The following TK2 variants were observed in gnomAD, a reference collection of about 807,000 sequenced individuals.
TK2 encodes the protein thymidine kinase 2, mitochondrial.
A neutral mutation model predicts 41.9 loss-of-function variants in TK2; 35 were observed. That is an observed-to-expected ratio of 0.84 (90% CI 0.64 to 1.11). TK2 has a LOEUF of 1.11. Among genes scored for constraint, TK2 ranks in the 50% least tolerant of loss-of-function variants. The probability of loss-of-function intolerance (pLI) is 0.00; values close to 1 mark genes in which losing one functional copy is unlikely to be tolerated. For synonymous variants in TK2, 128 were observed against 129.1 expected, an observed-to-expected ratio of 0.99 and a Z score of 0.06; for missense variants, 320 against 351.1, an observed-to-expected ratio of 0.91 and a Z score of 0.71.
At chr16:66,548,600 G>A (rs7191325) in intron 2 of TK2, 9,784 of 259,718 alleles carry the variant, frequency 0.038, 972 homozygotes, top group African/African-American at 0.21. Context: ...TCTCAACACT[G>A]GGGGGAGAGG....
At chr16:66,527,065 G>C (rs1175935474) in intron 6 of TK2, among the ~76,000 whole-genome samples, 9 of 152,186 alleles carry the variant, frequency 5.9e-5, no homozygotes, top group Non-Finnish European at 1.3e-4. Flanking sequence ...TCCTCCCTCT[G>C]GCTGAGGTGC....
intron 1 of TK2, chr16:66,549,393 C>T (rs1744105463): frequency 2.7e-6 from 3 of 1,109,474 alleles, no homozygotes; most frequent in Non-Finnish European, 3.3e-6. Flanking sequence ...CCCAGGTGTT[C>T]CTCTAGGCCC....
intron 5 of TK2, 55 bp downstream of exon 5, chr16:66,531,325 C>T: frequency 1.3e-6 from 2 of 1,565,444 alleles, no homozygotes; most frequent in Non-Finnish European, 1.8e-6. Flanking sequence ...CAATCACATA[C>T]CCCAAGTCTG....
At chr16:66,535,470 T>C (rs748477389) in intron 4 of TK2, among the ~76,000 whole-genome samples, 1 of 152,242 alleles carries the variant, frequency 6.6e-6, no homozygotes, top group East Asian at 1.9e-4. Context: ...CCAAAGAAGA[T>C]GACTGGTATT....
chr16:66,513,400 G>A (rs1964508792), intron 9 of TK2, among the ~76,000 whole-genome samples: 1 of 152,210 alleles, frequency 6.6e-6, no homozygotes, highest in Non-Finnish European at 1.5e-5. Flanking sequence ...ATCCACGGAA[G>A]GAGGAAGGTC....
At chr16:66,550,197 G>C, upstream of TK2, 1 of 1,612,010 alleles carries the variant, frequency 6.2e-7, no homozygotes, top group Non-Finnish European at 8.5e-7. Context: ...TTTCATCTCA[G>C]CAAGAGGAGA....
At chr16:66,548,587 C>T in intron 2 of TK2, 1 of 249,908 alleles carries the variant, frequency 4.0e-6, no homozygotes, top group Admixed American at 5.1e-5. Context: ...GCCCACCCAC[C>T]AGTCTCAACA....
At chr16:66,548,922 TCTC>T in intron 2 of TK2, 53 bp downstream of exon 2, 1 of 1,532,128 alleles carries the variant, frequency 6.5e-7, no homozygotes, top group Non-Finnish European at 9.0e-7. Flanking sequence ...CTTTTTTCTC[TCTC>T]CTCTTCAAAA....
chr16:66,526,469 G>C (rs28454745), intron 6 of TK2, among the ~76,000 whole-genome samples: 19,738 of 152,246 alleles, frequency 0.13, 2,395 homozygotes, highest in African/African-American at 0.32. Flanking sequence ...AGGCCGAGCA[G>C]AGCTGTAATC....
chr16:66,528,104 G>A (rs1198365433), intron 6 of TK2, among the ~76,000 whole-genome samples: 3 of 152,118 alleles, frequency 2.0e-5, no homozygotes, highest in East Asian at 1.9e-4. Context: ...CAGCGTGGTC[G>A]GGGAGGGCTG....
chr16:66,524,840 T>TC (rs1964884481), intron 6 of TK2: 1 of 152,170 alleles, frequency 6.6e-6, no homozygotes, highest in African/African-American at 2.4e-5. Context: ...AGGCAGAGTC[T>TC]CCCCCTTGGG....
rs531027975 is a variant in TK2, at chr16:66,531,643, A to C, written c.286-174T>G. ...GCAGGGTGGACAAAGGCAGACACTG[A>C]AACAATTATAGGACAGTATGGTAAC... On this transcript the variant is annotated intron_variant, in intron 4 of 9. Transcript: ENST00000544898. Among the ~76,000 whole-genome samples, 9 of 152,324 alleles carry C rather than the reference A, an allele frequency of 5.9e-5. No individual in the cohort carries two copies. In the East Asian group the frequency reaches 1.5e-3, roughly 26 times the overall value.
Position 66,511,352 on chromosome 16 carries a change from T to C in TK2, c.*616A>G, listed in dbSNP as rs900156415. ...GACTGTCCTTGGGAACTGCTCAATA[T>C]TGGGAAAATGTTATCAGCTCCGCAC... On this transcript the variant is annotated 3_prime_UTR_variant, in exon 10 of 10. Transcript: ENST00000544898. 6.1e-6 allele frequency: 1 copy of C among 163,520 alleles called. No individual in the cohort carries two copies. Among genetic ancestry groups the C allele is most frequent in the African/African-American group, 2.4e-5 (1 of 41,566 alleles). The allele number at this position is 163,520 out of a possible 1,614,324, so 10.1% of individuals were successfully genotyped here.
chr16:66,537,718 T>C (rs934267457), intron 3 of TK2, among the ~76,000 whole-genome samples: 1 of 152,232 alleles, frequency 6.6e-6, no homozygotes, highest in Non-Finnish European at 1.5e-5. Flanking sequence ...TTTCTGGGTA[T>C]GCAGGTGTGT....
At chr16:66,520,783 T>C (rs1373559387) in intron 6 of TK2, among the ~76,000 whole-genome samples, 1 of 152,146 alleles carries the variant, frequency 6.6e-6, no homozygotes, top group African/African-American at 2.4e-5. Flanking sequence ...CTGAGTTGGG[T>C]TTCAGTTAGT....
At chr16:66,516,987 A>G in intron 8 of TK2, 149 bp downstream of exon 8, 1 of 794,594 alleles carries the variant, frequency 1.3e-6, no homozygotes. Flanking sequence ...ACAGGAAGTC[A>G]GAGTTCACCC....
At chr16:66,516,223 G>A (rs1315289610) in intron 8 of TK2, among the ~76,000 whole-genome samples, 1 of 152,204 alleles carries the variant, frequency 6.6e-6, no homozygotes, top group Non-Finnish European at 1.5e-5. Context: ...AAGGTCAGGG[G>A]TGGCTTCCTG....
At chr16:66,533,873 TGGTG>T (rs1965195360) in intron 4 of TK2, among the ~76,000 whole-genome samples, 1 of 151,438 alleles carries the variant, frequency 6.6e-6, no homozygotes. Context: ...CCAGGTGTGG[TGGTG>T]GGCGCCTGTA....
intron 9 of TK2, 95 bp from the exon 10 acceptor site, chr16:66,512,161 G>C: frequency 9.3e-7 from 1 of 1,073,606 alleles, no homozygotes; most frequent in Non-Finnish European, 1.4e-6. Flanking sequence ...AGGCAGCAGG[G>C]GGCAGGGAAG....
Sources: gnomAD v4.1 joint callset for allele counts (sites outside exome capture counted in the v4.1 genomes callset) on GRCh38, gnomAD v4.1.1 for gene constraint, MANE v1.5 for transcripts, NCBI Gene and HGNC (gene_info 2026-07-23, HGNC 2026-07-21) for gene names.